The following NEURL1 variants were observed in gnomAD, a reference collection of about 807,000 sequenced individuals.
The protein encoded by NEURL1 is neuralized E3 ubiquitin protein ligase 1.
A neutral mutation model predicts 41.2 loss-of-function variants in NEURL1; 26 were observed. The ratio of observed to expected loss-of-function variants is 0.63; its 90% confidence interval spans 0.46 to 0.87. NEURL1 has a LOEUF of 0.87. Among genes scored for constraint, NEURL1 ranks in the 40% least tolerant of loss-of-function variants. NEURL1 has a pLI of 0.00. For missense variants in NEURL1, 761 were observed against 871.1 expected (o/e 0.87, Z 1.59); for synonymous variants, 400 against 402.3 (o/e 0.99, Z 0.07).
At chr10:103,518,018 A>G (rs2034257078) in intron 1 of NEURL1, among the ~76,000 whole-genome samples, 1 of 152,176 alleles carries the variant, frequency 6.6e-6, no homozygotes, top group Non-Finnish European at 1.5e-5. Context: ...TCTTGAGGGT[A>G]ACTTTGCATG....
intron 1 of NEURL1, among the ~76,000 whole-genome samples, chr10:103,507,946 C>G (rs570649459): frequency 3.0e-4 from 46 of 152,302 alleles, no homozygotes; most frequent in African/African-American, 1.0e-3. Context: ...TCAGCCGGGA[C>G]AGGCCAAGGT....
chr10:103,494,600 C>T (rs1403520607), intron 1 of NEURL1, 128 bp downstream of exon 1: 1 of 825,408 alleles, frequency 1.2e-6, no homozygotes, highest in Non-Finnish European at 1.8e-6. Context: ...CACCTCTGGC[C>T]GTGGAGTGGG....
intron 1 of NEURL1, among the ~76,000 whole-genome samples, chr10:103,561,951 G>A (rs751029845): frequency 3.1e-4 from 47 of 152,308 alleles, no homozygotes; most frequent in Middle Eastern, 3.4e-3. Context: ...ACCAGAAAGG[G>A]CAAGGCACGA....
At chr10:103,531,552 A>G (rs1337050169) in intron 1 of NEURL1, among the ~76,000 whole-genome samples, 2 of 149,004 alleles carry the variant, frequency 1.3e-5, no homozygotes, top group African/African-American at 5.0e-5. Context: ...ACTTTTTTTG[A>G]GACAGGGTCT....
rs2133889093 is a variant in NEURL1, at chr10:103,592,167, C to T, written c.*1795C>T. 1 of 152,436 alleles carries T rather than the reference C, an allele frequency of 6.6e-6. No homozygotes were observed. The highest frequency in any genetic ancestry group is 6.5e-5 in the Admixed American group (1 of 15,310). The allele number at this position is 152,436 out of a possible 1,614,324, so 9.4% of individuals were successfully genotyped here. On this transcript the variant is annotated 3_prime_UTR_variant, in exon 6 of 6. Transcript: ENST00000369780. The surrounding 1 kb of genome is among the most constrained non-coding windows in gnomAD (Gnocchi z 4.8). ...GGCCGAGTCGTAGCCCCCTGGAGCC[C>T]AGCTTCCATTTCTATAAAATGGTTG...
intron 3 of NEURL1, among the ~76,000 whole-genome samples, chr10:103,584,048 G>A (rs1373109044): frequency 2.0e-5 from 3 of 152,068 alleles, no homozygotes; most frequent in South Asian, 2.1e-4. Context: ...GACAATGTAC[G>A]CAAAGAGGGT....
In NEURL1 at chr10:103,498,409, G is replaced by A. The variant is rs1252847259; in HGVS notation, c.85+3937G>A. Among the ~76,000 whole-genome samples the A allele has an allele frequency of 7.9e-5, 12 of 152,156 alleles. No homozygotes were observed. In the East Asian group the frequency reaches 2.1e-3, roughly 27 times the overall value. On this transcript the variant is annotated intron_variant, in intron 1 of 5. Transcript: ENST00000369780. Reference sequence around the variant, plus strand: ...GCCCGGCTAATTTTTTGTATTTTTAGTAGAGATGGAGTTTCACCGTGTTAG... The same window carrying A: ...GCCCGGCTAATTTTTTGTATTTTTAATAGAGATGGAGTTTCACCGTGTTAG...
chr10:103,573,767 T>C (rs1392808702), intron 3 of NEURL1, among the ~76,000 whole-genome samples: 1 of 152,156 alleles, frequency 6.6e-6, no homozygotes, highest in Non-Finnish European at 1.5e-5. Flanking sequence ...GTGAGGGCAG[T>C]GGGGCAACAT....
chr10:103,505,052 T>TA (rs1258281603), intron 1 of NEURL1, among the ~76,000 whole-genome samples: 5 of 150,922 alleles, frequency 3.3e-5, no homozygotes, highest in Admixed American at 2.0e-4. Context: ...CTGTATCTTT[T>TA]TTTTTTTTTT....
At chr10:103,586,554 G>A (rs1189122007) in intron 4 of NEURL1, among the ~76,000 whole-genome samples, 2 of 152,220 alleles carry the variant, frequency 1.3e-5, no homozygotes, top group African/African-American at 2.4e-5. Context: ...ATAAGATAAT[G>A]TGTGTAGATG....
chr10:103,559,179 G>A (rs1477635462), intron 1 of NEURL1, among the ~76,000 whole-genome samples: 1 of 152,184 alleles, frequency 6.6e-6, no homozygotes, highest in East Asian at 1.9e-4. Flanking sequence ...CAGTGGCCTT[G>A]TGAAACCCAA....
chr10:103,570,885 C>A lies in NEURL1; in HGVS notation c.99C>A (p.Gly33=). Residue 33 remains glycine (G), a synonymous_variant, in exon 2 of 6, where the codon GGC becomes GGA. Transcript: ENST00000369780. ...HPQNLKDSIG[G]PFPVTSHRCH... is the part of the protein sequence containing the mutation. ...GTTCCTTTGCAGACTCTATCGGGGGCCCCTTCCCCGTCACTTCTCACCGAT... is the reference window on the plus strand; with the variant it reads ...GTTCCTTTGCAGACTCTATCGGGGGACCCTTCCCCGTCACTTCTCACCGAT... 1 of 1,613,192 alleles carries A rather than the reference C, an allele frequency of 6.2e-7. No individual in the cohort carries two copies.
At chr10:103,524,687 T>C (rs2034425502) in intron 1 of NEURL1, among the ~76,000 whole-genome samples, 1 of 152,194 alleles carries the variant, frequency 6.6e-6, no homozygotes, top group African/African-American at 2.4e-5. Flanking sequence ...CCTAGCATCA[T>C]TTGTTGAAAA....
intron 1 of NEURL1, among the ~76,000 whole-genome samples, chr10:103,554,328 A>G (rs983639621): frequency 8.5e-5 from 13 of 152,220 alleles, no homozygotes; most frequent in African/African-American, 3.1e-4. Flanking sequence ...GCATGTAACC[A>G]TGTGAGTACA....
intron 1 of NEURL1, among the ~76,000 whole-genome samples, chr10:103,542,224 A>T (rs1390660187): frequency 6.6e-6 from 1 of 152,072 alleles, no homozygotes; most frequent in African/African-American, 2.4e-5. Flanking sequence ...TTTCTCTATG[A>T]ATTGGTCTAG....
intron 1 of NEURL1, among the ~76,000 whole-genome samples, chr10:103,500,075 A>G: frequency 6.6e-6 from 1 of 152,208 alleles, no homozygotes; most frequent in East Asian, 1.9e-4. Context: ...GGAATGCAGC[A>G]GACGGATCTA....
rs370813731 is a variant in NEURL1, at chr10:103,564,652, C to T, written c.86-6220C>T. ...CTGCCACATAACTGCTGTGTGACCACAAGTGAGTTGCTTAACCATTCCGAA... is the reference window on the plus strand; with the variant it reads ...CTGCCACATAACTGCTGTGTGACCATAAGTGAGTTGCTTAACCATTCCGAA... On this transcript the variant is annotated intron_variant, in intron 1 of 5. Transcript: ENST00000369780. Among the ~76,000 whole-genome samples the T allele has an allele frequency of 2.6e-5, 4 of 152,320 alleles. No individual in the cohort carries two copies. The East Asian group carries it at 5.8e-4, about 22-fold the overall frequency.
At chr10:103,559,940 G>A (rs2035251814) in intron 1 of NEURL1, among the ~76,000 whole-genome samples, 1 of 151,200 alleles carries the variant, frequency 6.6e-6, no homozygotes, top group Admixed American at 6.6e-5. Flanking sequence ...TTACACACAT[G>A]CACACACACG....
chr10:103,521,723 A>G (rs1285609357), intron 1 of NEURL1, among the ~76,000 whole-genome samples: 1 of 152,190 alleles, frequency 6.6e-6, no homozygotes, highest in Non-Finnish European at 1.5e-5. Flanking sequence ...AGAGATTGAT[A>G]GGCGGAAGTT....
Sources: allele counts gnomAD v4.1 joint callset (sites outside exome capture counted in the v4.1 genomes callset), GRCh38; gene constraint gnomAD v4.1.1; non-coding constraint Gnocchi (gnomAD v3.1); transcripts MANE v1.5; gene names NCBI Gene and HGNC (gene_info 2026-07-23, HGNC 2026-07-21).